Variants in PSD3 observed in about 807,000 individuals in gnomAD.
PSD3 encodes the protein pleckstrin and Sec7 domain containing 3, also known as PH and SEC7 domain-containing protein 3.
Under a neutral mutation model 105.5 loss-of-function variants are expected in PSD3, and 49 were observed. The ratio of observed to expected loss-of-function variants is 0.46; its 90% CI spans 0.37 to 0.59. The LOEUF is 0.59. Ranked by LOEUF, PSD3 falls within the 20% of genes least tolerant of loss-of-function variation. PSD3 has a pLI of 0.00. For synonymous variants in PSD3, 557 were observed against 457.8 expected, an observed-to-expected ratio of 1.22 and a Z score of -2.77; for missense variants, 1,561 against 1,263.8, an observed-to-expected ratio of 1.24 and a Z score of -3.57.
At chr8:18,552,703 ATATT>A in intron 15 of PSD3, among the ~76,000 whole-genome samples, 1 of 152,334 alleles carries the variant, frequency 6.6e-6, no homozygotes, top group South Asian at 2.1e-4. Flanking sequence ...GCTATTTCTG[ATATT>A]TATTTCTTGA....
chr8:19,056,610 G>A (rs1008616451), intron 1 of PSD3, among the ~76,000 whole-genome samples: 5 of 152,174 alleles, frequency 3.3e-5, no homozygotes, highest in African/African-American at 1.2e-4. Context: ...TACATATTAT[G>A]TCTGTGCACA....
At chr8:18,564,316 G>A (rs1299826034) in intron 14 of PSD3, among the ~76,000 whole-genome samples, 1 of 152,092 alleles carries the variant, frequency 6.6e-6, no homozygotes. Flanking sequence ...ACAAAAATCT[G>A]AAGCAGTAGG....
At chr8:18,787,279 A>G (rs1287830374) in intron 8 of PSD3, among the ~76,000 whole-genome samples, 4 of 152,192 alleles carry the variant, frequency 2.6e-5, no homozygotes, top group Non-Finnish European at 4.4e-5. Context: ...ATACTTTTTC[A>G]TATTTTAAAT....
chr8:18,757,298 CA>C (rs373688617), intron 9 of PSD3, among the ~76,000 whole-genome samples: 13,748 of 122,982 alleles, frequency 0.11, 592 homozygotes, highest in African/African-American at 0.19. Context: ...ACCAAAAATA[CA>C]AAAAAAAAAA....
chr8:18,625,787 C>A (rs1806432338), intron 11 of PSD3, among the ~76,000 whole-genome samples: 1 of 151,956 alleles, frequency 6.6e-6, no homozygotes, highest in South Asian at 2.1e-4. Context: ...AAAATGAGGA[C>A]AATAATAATA....
chr8:18,547,522 C>A (rs769749352), intron 15 of PSD3, among the ~76,000 whole-genome samples: 3 of 152,106 alleles, frequency 2.0e-5, no homozygotes, highest in Admixed American at 1.3e-4. Context: ...GGCAGGGTGC[C>A]CCATCACCCT....
In PSD3 at chr8:18,820,035, G is replaced by C. The variant is rs539104221; in HGVS notation, c.1635-15137C>G. ...AAAAAGATGCTATAAAAGGTACTGAGACAAAAGTATTATTTATGCAGGCAA... is the reference window on the plus strand; with the variant it reads ...AAAAAGATGCTATAAAAGGTACTGACACAAAAGTATTATTTATGCAGGCAA... On this transcript the variant is annotated intron_variant, in intron 4 of 15. Transcript: ENST00000327040. Among the ~76,000 whole-genome samples the C allele has an allele frequency of 3.3e-5, 5 of 152,276 alleles. No individual in the cohort carries two copies. The South Asian group carries it at 1.0e-3, about 32-fold the overall frequency.
intron 2 of PSD3, among the ~76,000 whole-genome samples, chr8:18,891,612 C>A (rs1243908931): frequency 6.6e-6 from 1 of 151,372 alleles, no homozygotes; most frequent in Non-Finnish European, 1.5e-5. Flanking sequence ...CAACATCCAA[C>A]ACCTGCACCT....
chr8:18,541,670 GC>G (rs1464579643), intron 15 of PSD3, among the ~76,000 whole-genome samples: 1 of 151,968 alleles, frequency 6.6e-6, no homozygotes, highest in Non-Finnish European at 1.5e-5. Flanking sequence ...TAGGACTGGG[GC>G]TTTTTCTCTC....
intron 1 of PSD3, among the ~76,000 whole-genome samples, chr8:18,983,401 C>T (rs1014473680): frequency 4.4e-4 from 67 of 152,184 alleles, no homozygotes; most frequent in African/African-American, 1.6e-3. Context: ...TCTTTTATAT[C>T]CACAACTTGG....
At chr8:18,970,342 A>AAC (rs1325712280) in intron 1 of PSD3, among the ~76,000 whole-genome samples, 5 of 150,112 alleles carry the variant, frequency 3.3e-5, no homozygotes, top group Non-Finnish European at 7.4e-5. Flanking sequence ...AAAAAAAAAA[A>AAC]AAAAAACAAA....
At chr8:18,733,060 T>C (rs910150692) in intron 9 of PSD3, 5 of 152,124 alleles carry the variant, frequency 3.3e-5, no homozygotes, top group African/African-American at 1.2e-4. Flanking sequence ...CAGCGTTGGT[T>C]ACAACATCTT....
chr8:19,022,513 C>T (rs1258279302), intron 1 of PSD3, among the ~76,000 whole-genome samples: 3 of 152,218 alleles, frequency 2.0e-5, no homozygotes, highest in Non-Finnish European at 4.4e-5. Context: ...GGGCTGATCC[C>T]ATCCACATAG....
At chr8:18,951,792 C>T (rs1319776089) in intron 1 of PSD3, among the ~76,000 whole-genome samples, 1 of 151,992 alleles carries the variant, frequency 6.6e-6, no homozygotes, top group Non-Finnish European at 1.5e-5. Flanking sequence ...CGAGACCAAC[C>T]TGCCAAACAT....
chr8:18,816,479 G>A (rs563634733), intron 4 of PSD3, among the ~76,000 whole-genome samples: 8 of 152,264 alleles, frequency 5.3e-5, no homozygotes, highest in East Asian at 1.9e-4. Flanking sequence ...TATACTGCAC[G>A]CATAACTTTG....
chr8:18,634,642 C>T (rs150959205), intron 10 of PSD3, among the ~76,000 whole-genome samples: 2 of 152,218 alleles, frequency 1.3e-5, no homozygotes, highest in African/African-American at 4.8e-5. Context: ...ATGACCTTGA[C>T]ACTTTGAACA....
At position 19,080,675 on chromosome 8, in the gene PSD3, C is replaced by T. The variant is rs556641950; in HGVS notation, c.324+3531G>A. ...GTTTCCTAAACCCTGAACAGTCTTA[C>T]AAGCTAGTGATCAAAGCTCAAAAAG... On this transcript the variant is annotated intron_variant, in intron 1 of 1. Coordinates refer to the PSD3 transcript ENST00000521475. Among the ~76,000 whole-genome samples the T allele has an allele frequency of 1.4e-4, 22 of 152,262 alleles. No homozygotes were observed. The South Asian group carries it at 2.1e-3, about 14-fold the overall frequency.
chr8:18,664,178 T>A (rs142564966), intron 9 of PSD3, among the ~76,000 whole-genome samples: 1 of 152,170 alleles, frequency 6.6e-6, no homozygotes, highest in Non-Finnish European at 1.5e-5. Context: ...TCACTTTAAA[T>A]CAAAAGCTAG....
chr8:19,005,166 G>A (rs1826614518), intron 1 of PSD3, among the ~76,000 whole-genome samples: 1 of 151,950 alleles, frequency 6.6e-6, no homozygotes, highest in South Asian at 2.1e-4. Context: ...GTTCAGAATG[G>A]CATTATTCCT....
Sources: gnomAD v4.1 joint callset for allele counts (sites outside exome capture counted in the v4.1 genomes callset) on GRCh38, gnomAD v4.1.1 for gene constraint, MANE v1.5 for transcripts, NCBI Gene and HGNC (gene_info 2026-07-23, HGNC 2026-07-21) for gene names.